The following LDLRAD3 variants were observed in gnomAD, a reference collection of about 807,000 sequenced individuals.
The protein encoded by LDLRAD3 is low-density lipoprotein receptor class A domain-containing protein 3.
Under a neutral mutation model 29.4 loss-of-function variants are expected in LDLRAD3, and 20 were observed. That is an observed-to-expected ratio of 0.68 (90% CI 0.48 to 0.99). LDLRAD3 has a LOEUF of 0.99. Among genes scored for constraint, LDLRAD3 ranks in the 50% least tolerant of loss-of-function variants. The pLI is 0.00. For synonymous variants in LDLRAD3, 157 were observed against 192.7 expected (o/e 0.81, Z 1.53); for missense variants, 420 against 454.3 (o/e 0.92, Z 0.69).
At chr11:36,063,288 C>T (rs897783790) in intron 2 of LDLRAD3, among the ~76,000 whole-genome samples, 2 of 152,112 alleles carry the variant, frequency 1.3e-5, no homozygotes, top group Non-Finnish European at 2.9e-5. Context: ...CAGGATTTAC[C>T]AGAAAGTTTT....
chr11:36,183,865 A>G (rs984505800), intron 4 of LDLRAD3, among the ~76,000 whole-genome samples: 1 of 151,966 alleles, frequency 6.6e-6, no homozygotes, highest in Non-Finnish European at 1.5e-5. Flanking sequence ...ATCTGTGTCT[A>G]ATCTACGGTT....
At position 35,955,438 on chromosome 11, in the gene LDLRAD3, T is replaced by G. The variant is rs552830629; in HGVS notation, c.46+11294T>G. ...TGATATGAATACATCAACTAAAGAC[T>G]AAATGTAAAGCAAAATGTTACTCTT... On this transcript the variant is annotated intron_variant, in intron 1 of 5. Transcript: ENST00000315571. 5.9e-5 allele frequency among the ~76,000 whole-genome samples: 9 copies of G among 152,284 alleles called. No homozygotes were observed. The East Asian group carries it at 1.7e-3, about 29-fold the overall frequency.
chr11:36,164,053 A>G (rs1054620375), intron 4 of LDLRAD3, among the ~76,000 whole-genome samples: 20 of 152,190 alleles, frequency 1.3e-4, no homozygotes, highest in African/African-American at 4.8e-4. Flanking sequence ...AACTGAATTA[A>G]GACATCTTTC....
intron 1 of LDLRAD3, among the ~76,000 whole-genome samples, chr11:36,029,407 G>C (rs908864641): frequency 2.1e-5 from 1 of 46,570 alleles, no homozygotes; most frequent in African/African-American, 4.5e-5. Flanking sequence ...GGTGGCGCCA[G>C]GACTCAGTGC....
chr11:36,140,743 T>C (rs1193583117), intron 4 of LDLRAD3, among the ~76,000 whole-genome samples: 1 of 152,098 alleles, frequency 6.6e-6, no homozygotes. Context: ...TAAAAGCATA[T>C]GGAAACCAAT....
At position 36,116,127 on chromosome 11, in the gene LDLRAD3, T is replaced by G. The variant is rs544513997; in HGVS notation, c.454+17666T>G. 9.2e-5 allele frequency among the ~76,000 whole-genome samples: 14 copies of G among 152,270 alleles called. No homozygotes were observed. In the South Asian group the frequency reaches 2.5e-3, roughly 27 times the overall value. ...GAAAGGCTGTCCAGCACTTAGCAGG[T>G]ACTTCTAAGTGTGAGTTCCATTCCC... On this transcript the variant is annotated intron_variant, in intron 4 of 5. Transcript: ENST00000315571.
chr11:36,190,889 G>T (rs11607726), intron 4 of LDLRAD3, among the ~76,000 whole-genome samples: 63,579 of 152,074 alleles, frequency 0.42, 14,585 homozygotes, highest in Middle Eastern at 0.52. Context: ...GAATCAAAAT[G>T]GTGTCAGTCT....
rs1301811548 is a variant in LDLRAD3 at position 36,081,753 on chromosome 11, C to G, written c.294C>G (p.Pro98=). ...RFRCNGFEDC[P]DGSDEENCTA... Reference sequence around the variant, plus strand: ...GGTGCAATGGGTTTGAGGACTGTCCCGATGGCAGCGATGAAGAGAACTGCA... The same window carrying G: ...GGTGCAATGGGTTTGAGGACTGTCCGGATGGCAGCGATGAAGAGAACTGCA... The change falls in exon 3 of 6, where the codon CCC becomes CCG. Residue 98 remains proline (P), a synonymous_variant. Coordinates refer to ENST00000315571, the MANE Select transcript of LDLRAD3 (RefSeq NM_174902.4). 1.2e-6 allele frequency: 2 copies of G among 1,614,088 alleles called. No homozygotes were observed. Among genetic ancestry groups the G allele is most frequent in the East Asian group, 2.2e-5 (1 of 44,896 alleles).
intron 4 of LDLRAD3, among the ~76,000 whole-genome samples, chr11:36,099,962 C>T (rs1310853251): frequency 1.3e-5 from 2 of 152,122 alleles, no homozygotes; most frequent in Non-Finnish European, 2.9e-5. Flanking sequence ...CACAGTGGTT[C>T]TCAAAGTATA....
chr11:36,071,016 A>T (rs569036002), intron 2 of LDLRAD3, among the ~76,000 whole-genome samples: 22 of 152,258 alleles, frequency 1.4e-4, no homozygotes, highest in African/African-American at 4.8e-4. Flanking sequence ...GATGCCCTGT[A>T]CCCGGTGCAA....
At chr11:36,132,392 TAA>T (rs1330312413) in intron 4 of LDLRAD3, among the ~76,000 whole-genome samples, 7 of 152,206 alleles carry the variant, frequency 4.6e-5, no homozygotes, top group African/African-American at 1.4e-4. Flanking sequence ...GATTATCTAA[TAA>T]GAGCAATAAT....
chr11:36,165,016 A>G (rs1854494286), intron 4 of LDLRAD3, among the ~76,000 whole-genome samples: 1 of 152,226 alleles, frequency 6.6e-6, no homozygotes, highest in African/African-American at 2.4e-5. Flanking sequence ...AGAACAGGGA[A>G]AATTTTACCC....
At chr11:35,996,048 A>G (rs1851750230) in intron 1 of LDLRAD3, among the ~76,000 whole-genome samples, 1 of 152,190 alleles carries the variant, frequency 6.6e-6, no homozygotes, top group African/African-American at 2.4e-5. Flanking sequence ...TAACACTTTT[A>G]ATTTCCTTTA....
At position 36,215,066 on chromosome 11, in the gene LDLRAD3, C is replaced by T. The variant is rs146724721; in HGVS notation, c.455-12019C>T. ...GGGGATGGAGAGTGATGTCGGTGGG[C>T]CAGAAAGGAGTAGAGTCTTGAATGG... On this transcript the variant is annotated intron_variant, in intron 4 of 5. Transcript: ENST00000315571. Among the ~76,000 whole-genome samples, 174 of 152,022 alleles carry T rather than the reference C, an allele frequency of 1.1e-3. 4 individuals carry two copies. In the East Asian group the frequency reaches 0.032, roughly 28 times the overall value.
chr11:36,132,347 C>CTG lies in LDLRAD3; in HGVS notation c.454+33898_454+33899dup, dbSNP rs749983745. On this transcript the variant is annotated intron_variant, in intron 4 of 5. Transcript: ENST00000315571. ...GAGAAGAGAAAAAGAAAACGTGTGACTGTGTGTGTGTGTACACATGCTTCA... is the reference window on the plus strand; with the variant it reads ...GAGAAGAGAAAAAGAAAACGTGTGACTGTGTGTGTGTGTGTACACATGCTTCA... 8.8e-4 allele frequency among the ~76,000 whole-genome samples: 133 copies of CTG among 151,860 alleles called. 1 individual carries two copies. The highest frequency in any genetic ancestry group is 1.5e-3 in the Non-Finnish European group (100 of 67,950).
intron 3 of LDLRAD3, among the ~76,000 whole-genome samples, chr11:36,082,758 A>AT (rs1411444916): frequency 6.6e-6 from 1 of 152,108 alleles, no homozygotes; most frequent in African/African-American, 2.4e-5. Flanking sequence ...ATACATGCAG[A>AT]TCCTTCCTTT....
chr11:35,982,759 T>C (rs1239785763), intron 1 of LDLRAD3, among the ~76,000 whole-genome samples: 2 of 152,100 alleles, frequency 1.3e-5, no homozygotes, highest in Non-Finnish European at 2.9e-5. Flanking sequence ...CCTTTTCTTC[T>C]GAATTCATTA....
chr11:36,122,393 A>C (rs2133297311), intron 4 of LDLRAD3, among the ~76,000 whole-genome samples: 1 of 152,254 alleles, frequency 6.6e-6, no homozygotes, highest in East Asian at 1.9e-4. Flanking sequence ...CCACCTCCCC[A>C]AGCCTCAGAT....
At chr11:36,073,165 T>A (rs1034993929) in intron 2 of LDLRAD3, among the ~76,000 whole-genome samples, 1 of 152,252 alleles carries the variant, frequency 6.6e-6, no homozygotes, top group African/African-American at 2.4e-5. Context: ...CTACTTTTTT[T>A]ATTTTTTATT....
Sources: gnomAD v4.1 joint callset for allele counts (sites outside exome capture counted in the v4.1 genomes callset) on GRCh38, gnomAD v4.1.1 for gene constraint, MANE v1.5 for transcripts, NCBI Gene and HGNC (gene_info 2026-07-23, HGNC 2026-07-21) for gene names.